PRR16: variants seen among roughly 807,000 people sequenced by gnomAD.
PRR16 encodes the protein protein Largen.
PRR16 carries 6 observed loss-of-function variants against 18.2 expected under a neutral mutation model. That is an observed-to-expected ratio of 0.33 (90% CI 0.18 to 0.65). The LOEUF is 0.65. Ranked by LOEUF, PRR16 falls within the 30% of genes least tolerant of loss-of-function variation. The probability of loss-of-function intolerance (pLI) is 0.74; values close to 1 mark genes in which losing one functional copy is unlikely to be tolerated. For synonymous variants in PRR16, 151 were observed against 147.8 expected, an observed-to-expected ratio of 1.02 and a Z score of -0.16; for missense variants, 412 against 376.6, an observed-to-expected ratio of 1.09 and a Z score of -0.78.
At chr5:120,642,280 A>G (rs1755447722) in intron 1 of PRR16, among the ~76,000 whole-genome samples, 1 of 151,428 alleles carries the variant, frequency 6.6e-6, no homozygotes, top group African/African-American at 2.4e-5. Flanking sequence ...TTCCCCTAAC[A>G]GTGGTTTTTG....
At chr5:120,531,025 T>C (rs1323984868) in intron 1 of PRR16, among the ~76,000 whole-genome samples, 1 of 152,196 alleles carries the variant, frequency 6.6e-6, no homozygotes, top group South Asian at 2.1e-4. Context: ...ATATTAAAGA[T>C]ATGCACTGGC....
chr5:120,613,668 A>G (rs1754407168), intron 1 of PRR16, among the ~76,000 whole-genome samples: 1 of 152,182 alleles, frequency 6.6e-6, no homozygotes, highest in Middle Eastern at 3.2e-3. Context: ...ATGCAATTTC[A>G]ACAGCATACT....
intron 1 of PRR16, among the ~76,000 whole-genome samples, chr5:120,501,800 C>T (rs1750463214): frequency 6.6e-6 from 1 of 151,330 alleles, no homozygotes; most frequent in East Asian, 2.0e-4. Context: ...ACTAAAAATA[C>T]AAAAAATTAG....
At chr5:120,760,583 T>C in the PRR16 span, among the ~76,000 whole-genome samples, 1 of 152,092 alleles carries the variant, frequency 6.6e-6, no homozygotes, top group Non-Finnish European at 1.5e-5. Context: ...CATATCCCCT[T>C]AGCATTTACC....
chr5:120,761,454 G>A, the PRR16 span, among the ~76,000 whole-genome samples: 3 of 152,060 alleles, frequency 2.0e-5, no homozygotes, highest in Non-Finnish European at 1.5e-5. Context: ...GAACATAACG[G>A]AAATGCCCGA....
At chr5:120,660,497 A>G (rs1326120655) in intron 1 of PRR16, among the ~76,000 whole-genome samples, 1 of 152,112 alleles carries the variant, frequency 6.6e-6, no homozygotes, top group Non-Finnish European at 1.5e-5. Context: ...ATTTTAAATT[A>G]TGAACACTTT....
chr5:120,772,021 T>C, the PRR16 span, among the ~76,000 whole-genome samples: 1 of 152,072 alleles, frequency 6.6e-6, no homozygotes, highest in Non-Finnish European at 1.5e-5. Context: ...TTCTTTAAGC[T>C]GTTCTTATTT....
At chr5:120,518,993 T>A (rs997655628) in intron 1 of PRR16, among the ~76,000 whole-genome samples, 5 of 152,182 alleles carry the variant, frequency 3.3e-5, no homozygotes, top group African/African-American at 1.2e-4. Context: ...TAGTTAAGCC[T>A]ATGTCTTAAC....
At chr5:120,767,151 A>G in the PRR16 span, among the ~76,000 whole-genome samples, 22 of 152,088 alleles carry the variant, frequency 1.4e-4, no homozygotes, top group East Asian at 4.2e-3. Context: ...TTAACAGCAA[A>G]TAATTTTAAA....
At chr5:120,634,699 G>A (rs1755170177) in intron 1 of PRR16, among the ~76,000 whole-genome samples, 1 of 152,040 alleles carries the variant, frequency 6.6e-6, no homozygotes, top group Non-Finnish European at 1.5e-5. Flanking sequence ...CAGACTTCAT[G>A]AAATTGGAGA....
the PRR16 span, among the ~76,000 whole-genome samples, chr5:120,772,324 C>T: frequency 0.27 from 41,590 of 151,868 alleles, 6,044 homozygotes; most frequent in Non-Finnish European, 0.32. Flanking sequence ...TGAATTTTGA[C>T]TTAGCTTACT....
In PRR16 at chr5:120,588,811, G is replaced by A. The variant is rs551809737; in HGVS notation, c.160-97143G>A. ...AATTCTGACAACATGCTCTTAACCC[G>A]GAATAAAACTTCCTTTTCTCTGTTC... On this transcript the variant is annotated intron_variant, in intron 1 of 1. Transcript: ENST00000407149. Among the ~76,000 whole-genome samples the A allele has an allele frequency of 1.6e-4, 24 of 151,270 alleles. No individual in the cohort carries two copies. In the South Asian group the frequency reaches 3.8e-3, roughly 24 times the overall value.
chr5:120,694,454 G>A, the PRR16 span, among the ~76,000 whole-genome samples: 1 of 152,138 alleles, frequency 6.6e-6, no homozygotes, highest in African/African-American at 2.4e-5. Context: ...GGAGACCGAG[G>A]CGGGCGGATC....
intron 1 of PRR16, among the ~76,000 whole-genome samples, chr5:120,668,510 G>C (rs1447687710): frequency 6.6e-6 from 1 of 151,934 alleles, no homozygotes; most frequent in South Asian, 2.1e-4. Context: ...ATGTTAACTG[G>C]TTATTTTGCT....
At chr5:120,770,680 A>G in the PRR16 span, among the ~76,000 whole-genome samples, 11 of 152,060 alleles carry the variant, frequency 7.2e-5, no homozygotes, top group Non-Finnish European at 1.2e-4. Flanking sequence ...TATCTGATAA[A>G]GGGTTGATTT....
the PRR16 span, among the ~76,000 whole-genome samples, chr5:120,786,813 C>CTTACATA: frequency 6.6e-6 from 1 of 152,078 alleles, no homozygotes; most frequent in Non-Finnish European, 1.5e-5. Flanking sequence ...TAATATGTTA[C>CTTACATA]TTACATAAAT....
intron 1 of PRR16, among the ~76,000 whole-genome samples, chr5:120,497,443 T>A (rs1245090435): frequency 2.9e-5 from 4 of 137,846 alleles, no homozygotes; most frequent in Non-Finnish European, 6.0e-5. Context: ...TGAGCTGGAG[T>A]GCAATGGCGT....
chr5:120,534,325 TATC>T (rs934174966), intron 1 of PRR16, among the ~76,000 whole-genome samples: 6 of 152,186 alleles, frequency 3.9e-5, no homozygotes, highest in Non-Finnish European at 5.9e-5. Context: ...GGTTTTTGAA[TATC>T]TTAAAAGATA....
chr5:120,684,521 G>A (rs1466147636), intron 1 of PRR16, among the ~76,000 whole-genome samples: 1 of 152,218 alleles, frequency 6.6e-6, no homozygotes, highest in African/African-American at 2.4e-5. Context: ...TGTGTGAAAT[G>A]AAGGAACTGT....
Sources: gnomAD v4.1 joint callset for allele counts (sites outside exome capture counted in the v4.1 genomes callset) on GRCh38, gnomAD v4.1.1 for gene constraint, MANE v1.5 for transcripts, NCBI Gene and HGNC (gene_info 2026-07-23, HGNC 2026-07-21) for gene names.